The following ERBB4 variants were observed in gnomAD, a reference collection of about 807,000 sequenced individuals.
The protein encoded by ERBB4 is erb-b2 receptor tyrosine kinase 4.
Under a neutral mutation model 158.0 loss-of-function variants are expected in ERBB4, and 42 were observed. The observed-to-expected ratio is 0.27, with a 90% CI of 0.21 to 0.34. The LOEUF is 0.34. ERBB4 is among the 10% of genes least tolerant of loss of function. ERBB4 has a pLI of 1.00. For missense variants in ERBB4, 1,333 were observed against 1,624.1 expected (o/e 0.82, Z 3.08); for synonymous variants, 583 against 558.7 (o/e 1.04, Z -0.61).
rs116835993 is a variant in ERBB4 at position 212,014,415 on chromosome 2, C to T, written c.235-66799G>A. 6.3e-3 allele frequency among the ~76,000 whole-genome samples: 953 copies of T among 152,156 alleles called. 9 individuals carry two copies. The highest frequency in any genetic ancestry group is 0.022 in the African/African-American group (900 of 41,508). Reference sequence around the variant, plus strand: ...ATAAATGTCCAACTCTAAACAGACACGGGCTTTGTGAAAATGACTTAAAAT... The same window carrying T: ...ATAAATGTCCAACTCTAAACAGACATGGGCTTTGTGAAAATGACTTAAAAT... On this transcript the variant is annotated intron_variant, in intron 2 of 27. Coordinates refer to ENST00000342788, the MANE Select transcript of ERBB4 (RefSeq NM_005235.3).
At chr2:212,204,154 T>C (rs2082667092) in intron 1 of ERBB4, among the ~76,000 whole-genome samples, 1 of 152,238 alleles carries the variant, frequency 6.6e-6, no homozygotes, top group Non-Finnish European at 1.5e-5. Flanking sequence ...GATTTGATTT[T>C]TTAACAATCT....
rs577142335 is a variant in ERBB4, at chr2:211,856,707, A to G, written c.422-68548T>C. 1.6e-4 allele frequency among the ~76,000 whole-genome samples: 25 copies of G among 152,172 alleles called. No homozygotes were observed. The South Asian group carries it at 5.2e-3, about 32-fold the overall frequency. ...CAGCCTAGTCTTGTAATTTCTTTCTAGTCTGGAGGAAAGAAAGCAGACTTC... is the reference window on the plus strand; with the variant it reads ...CAGCCTAGTCTTGTAATTTCTTTCTGGTCTGGAGGAAAGAAAGCAGACTTC... On this transcript the variant is annotated intron_variant, in intron 3 of 27. Coordinates refer to ENST00000342788, the MANE Select transcript of ERBB4 (RefSeq NM_005235.3).
chr2:212,109,147 C>T (rs928311792), intron 2 of ERBB4, among the ~76,000 whole-genome samples: 1 of 152,132 alleles, frequency 6.6e-6, no homozygotes, highest in African/African-American at 2.4e-5. Context: ...TGGGTGCCTA[C>T]AACATGCCAG....
chr2:211,758,888 C>T (rs1169865965), intron 4 of ERBB4, among the ~76,000 whole-genome samples: 2 of 152,178 alleles, frequency 1.3e-5, no homozygotes, highest in African/African-American at 4.8e-5. Context: ...GTCTGGCACT[C>T]TCCAAAATTT....
At chr2:212,250,931 T>C (rs111386459) in intron 1 of ERBB4, among the ~76,000 whole-genome samples, 5 of 152,070 alleles carry the variant, frequency 3.3e-5, no homozygotes, top group African/African-American at 1.2e-4. Flanking sequence ...CACAAATAAA[T>C]AGTGGTGTGA....
At chr2:211,497,738 T>C (rs996771602) in intron 20 of ERBB4, among the ~76,000 whole-genome samples, 7 of 152,224 alleles carry the variant, frequency 4.6e-5, no homozygotes, top group South Asian at 2.1e-4. Flanking sequence ...GAGGCTCTTA[T>C]GAGACATTAT....
At chr2:212,494,148 A>C (rs1690433843) in intron 1 of ERBB4, among the ~76,000 whole-genome samples, 1 of 151,940 alleles carries the variant, frequency 6.6e-6, no homozygotes, top group Admixed American at 6.6e-5. Flanking sequence ...AAAAATTAGT[A>C]ATACAGATAA....
At chr2:211,530,639 C>G (rs989098953) in intron 20 of ERBB4, among the ~76,000 whole-genome samples, 2 of 152,062 alleles carry the variant, frequency 1.3e-5, no homozygotes, top group Non-Finnish European at 2.9e-5. Flanking sequence ...CCTGTAATCC[C>G]AGCACTTGGG....
intron 20 of ERBB4, among the ~76,000 whole-genome samples, chr2:211,537,912 AT>A (rs1178065040): frequency 6.6e-6 from 1 of 151,918 alleles, no homozygotes; most frequent in Non-Finnish European, 1.5e-5. Context: ...CCTTTAAGAC[AT>A]TTTTTAAATG....
chr2:212,340,513 A>ACACG (rs1244407758), intron 1 of ERBB4, among the ~76,000 whole-genome samples: 2 of 152,190 alleles, frequency 1.3e-5, no homozygotes, highest in Admixed American at 6.5e-5. Flanking sequence ...GTGATGATAG[A>ACACG]CAATGACAGA....
intron 2 of ERBB4, among the ~76,000 whole-genome samples, chr2:212,080,472 G>GGTTATTCA (rs2078404746): frequency 6.6e-6 from 1 of 151,220 alleles, no homozygotes; most frequent in African/African-American, 2.4e-5. Flanking sequence ...AAAAAATAAT[G>GGTTATTCA]GTTATTCAGT....
At chr2:212,224,073 GGATCAAAAACTTTAAATGATATA>G (rs1195666656) in intron 1 of ERBB4, among the ~76,000 whole-genome samples, 1 of 151,624 alleles carries the variant, frequency 6.6e-6, no homozygotes. Flanking sequence ...TTATATTTAT[GGATCAAAAACTTTAAATGATATA>G]ATCAATCATG....
At chr2:212,392,662 C>A (rs1171233524) in intron 1 of ERBB4, among the ~76,000 whole-genome samples, 1 of 152,006 alleles carries the variant, frequency 6.6e-6, no homozygotes, top group African/African-American at 2.4e-5. Flanking sequence ...GAATGAGTTC[C>A]CGATCATCCT....
chr2:211,871,860 TA>T (rs1237453599), intron 3 of ERBB4, among the ~76,000 whole-genome samples: 2 of 152,068 alleles, frequency 1.3e-5, no homozygotes, highest in Non-Finnish European at 2.9e-5. Context: ...CAAGAGACTA[TA>T]TGTGCTCGCT....
intron 2 of ERBB4, among the ~76,000 whole-genome samples, chr2:212,055,724 G>C (rs549910573): frequency 4.1e-4 from 62 of 152,334 alleles, no homozygotes; most frequent in African/African-American, 1.4e-3. Flanking sequence ...GGTCCTGACT[G>C]TTAGAAGGAA....
chr2:211,778,571 G>C (rs1436310077), intron 4 of ERBB4: 4 of 152,130 alleles, frequency 2.6e-5, no homozygotes, highest in Admixed American at 6.5e-5. Context: ...ATGAGTGTCT[G>C]ACTTCTCCCC....
At chr2:212,252,286 G>A (rs1436229059) in intron 1 of ERBB4, among the ~76,000 whole-genome samples, 3 of 152,038 alleles carry the variant, frequency 2.0e-5, no homozygotes, top group Non-Finnish European at 4.4e-5. Context: ...AACATTTAGA[G>A]GTAGAGGAGG....
intron 20 of ERBB4, among the ~76,000 whole-genome samples, chr2:211,540,378 G>C (rs1348526755): frequency 2.0e-5 from 3 of 151,812 alleles, no homozygotes; most frequent in African/African-American, 7.2e-5. Flanking sequence ...ACACATAATT[G>C]CAATGCAATC....
chr2:211,569,574 T>C (rs769077969), intron 19 of ERBB4, among the ~76,000 whole-genome samples: 3 of 152,172 alleles, frequency 2.0e-5, no homozygotes, highest in Non-Finnish European at 4.4e-5. Context: ...GAAACGGTGG[T>C]CGCAGAGCTA....
Sources: allele counts gnomAD v4.1 joint callset (sites outside exome capture counted in the v4.1 genomes callset), GRCh38; gene constraint gnomAD v4.1.1; transcripts MANE v1.5; gene names NCBI Gene and HGNC (gene_info 2026-07-23, HGNC 2026-07-21).